The following ABHD18 variants were observed in gnomAD, a reference collection of about 807,000 sequenced individuals.
The protein encoded by ABHD18 is cardiolipin-specific deacylase, mitochondrial.
ABHD18 carries 55 observed loss-of-function variants against 65.9 expected under a neutral mutation model. The ratio of observed to expected loss-of-function variants is 0.84; its 90% CI spans 0.67 to 1.05. ABHD18 has a LOEUF of 1.05. Ranked by LOEUF, ABHD18 falls within the 50% of genes least tolerant of loss-of-function variation. ABHD18 has a pLI of 0.00. For missense variants in ABHD18, 533 were observed against 558.5 expected (o/e 0.95, Z 0.46); for synonymous variants, 181 against 180.2 (o/e 1.00, Z -0.04).
At chr4:128,023,291 C>T (rs1337072588) in intron 10 of ABHD18, among the ~76,000 whole-genome samples, 1 of 147,284 alleles carries the variant, frequency 6.8e-6, no homozygotes, top group Admixed American at 7.0e-5. Context: ...CGGGACCAGG[C>T]GTGGTGGCAC....
Position 127,992,099 on chromosome 4 carries a change from G to A in ABHD18, c.278+2278G>A, listed in dbSNP as rs964085032. 3.3e-5 allele frequency among the ~76,000 whole-genome samples: 5 copies of A among 152,264 alleles called. 1 individual carries two copies. The highest frequency in any genetic ancestry group is 7.2e-5 in the African/African-American group (3 of 41,550). On this transcript the variant is annotated intron_variant, in intron 4 of 12. Coordinates refer to ENST00000645843, the MANE Select transcript of ABHD18 (RefSeq NM_001358451.3). ...TAAGTCTACTCTTTATGGACCTAAT[G>A]TCAATTACTTAAACTCTGAACCAGG...
chr4:127,976,153 T>C (rs939826082), intron 1 of ABHD18, among the ~76,000 whole-genome samples: 5 of 152,206 alleles, frequency 3.3e-5, no homozygotes, highest in Admixed American at 6.6e-5. Context: ...GTTGTATCTT[T>C]ACATTTATAA....
At chr4:127,969,316 C>G (rs908514698) in intron 1 of ABHD18, among the ~76,000 whole-genome samples, 2 of 151,690 alleles carry the variant, frequency 1.3e-5, no homozygotes, top group African/African-American at 4.8e-5. Context: ...ATTCACCTGC[C>G]TCAACCTCCC....
intron 1 of ABHD18, among the ~76,000 whole-genome samples, chr4:127,970,514 G>A (rs562094607): frequency 5.8e-4 from 87 of 150,750 alleles, no homozygotes; most frequent in Non-Finnish European, 1.1e-3. Context: ...GCTTGAACCC[G>A]GGAGACGGAG....
intron 9 of ABHD18, 97 bp from the exon 10 acceptor site, chr4:128,021,034 CAAAAAA>C: frequency 9.0e-6 from 4 of 443,444 alleles, no homozygotes; most frequent in South Asian, 3.2e-5. Context: ...ACTTCGTCTG[CAAAAAA>C]AAAAAAAAAA....
intron 1 of ABHD18, among the ~76,000 whole-genome samples, chr4:127,974,600 T>C (rs1747527959): frequency 6.6e-6 from 1 of 151,968 alleles, no homozygotes; most frequent in Non-Finnish European, 1.5e-5. Flanking sequence ...CTTGAACTCC[T>C]GGGCTCAAGC....
At chr4:128,021,704 T>C (rs1441498130) in intron 10 of ABHD18, among the ~76,000 whole-genome samples, 1 of 152,150 alleles carries the variant, frequency 6.6e-6, no homozygotes, top group South Asian at 2.1e-4. Context: ...ATACAGAGAA[T>C]CATGCAAAGC....
intron 9 of ABHD18, among the ~76,000 whole-genome samples, chr4:128,020,386 G>C (rs906734569): frequency 1.1e-4 from 17 of 152,172 alleles, no homozygotes; most frequent in Non-Finnish European, 4.4e-5. Flanking sequence ...AGGAAACCAA[G>C]AACAAGCTTC....
chr4:128,034,328 TATG>T (rs1758629578), intron 12 of ABHD18, among the ~76,000 whole-genome samples: 2 of 152,176 alleles, frequency 1.3e-5, no homozygotes, highest in Admixed American at 6.6e-5. Flanking sequence ...GTGATGGGAT[TATG>T]ATGTTTTCCC....
At chr4:128,019,967 C>CT in intron 8 of ABHD18, 113 bp from the exon 9 acceptor site, 1 of 596,084 alleles carries the variant, frequency 1.7e-6, no homozygotes, top group Admixed American at 3.1e-5. Context: ...TGTTTGCAGA[C>CT]TTTGTGTTTA....
chr4:127,969,996 G>A (rs1045355657), intron 1 of ABHD18, among the ~76,000 whole-genome samples: 28 of 151,776 alleles, frequency 1.8e-4, no homozygotes, highest in Admixed American at 5.9e-4. Context: ...CAGTCCTCCC[G>A]TCTTGGCCTC....
intron 4 of ABHD18, among the ~76,000 whole-genome samples, chr4:127,999,194 G>A (rs572187669): frequency 6.6e-6 from 1 of 152,250 alleles, no homozygotes; most frequent in South Asian, 2.1e-4. Flanking sequence ...TGAGACAGGA[G>A]AATCACTTGA....
chr4:128,026,649 T>G (rs532002897), intron 10 of ABHD18, among the ~76,000 whole-genome samples: 1 of 152,298 alleles, frequency 6.6e-6, no homozygotes, highest in East Asian at 1.9e-4. Context: ...TTCTTTTGAC[T>G]TTGGTTTTAG....
At chr4:128,015,460 C>T (rs1030016453) in intron 7 of ABHD18, among the ~76,000 whole-genome samples, 53 of 151,960 alleles carry the variant, frequency 3.5e-4, no homozygotes, top group Admixed American at 2.9e-3. Context: ...TCAAGGCTCC[C>T]ATACAAGGCT....
chr4:128,023,250 G>A (rs1756803317), intron 10 of ABHD18, among the ~76,000 whole-genome samples: 1 of 151,772 alleles, frequency 6.6e-6, no homozygotes, highest in African/African-American at 2.4e-5. Flanking sequence ...TTGATTGCTT[G>A]CCTAAGAACT....
rs1749020775 is a variant in ABHD18 at position 127,981,394 on chromosome 4, CTTATT to C, written c.-17-1542_-17-1538del. 3.5e-5 allele frequency among the ~76,000 whole-genome samples: 5 copies of C among 144,480 alleles called. No individual in the cohort carries two copies. The South Asian group carries it at 1.1e-3, about 32-fold the overall frequency. 94.8% of individuals were successfully genotyped at this position (144,480 alleles called of 152,430 possible). A position where few individuals can be genotyped will look rare whatever the true frequency, so the allele number is the denominator to read the frequency against. ...ATTTTCATCATAGTGTTATTCTACT[CTTATT>C]TTGATAGTTAGATAGATTTTTTAAT... On this transcript the variant is annotated intron_variant, in intron 1 of 12. Coordinates refer to ENST00000645843, the MANE Select transcript of ABHD18 (RefSeq NM_001358451.3).
chr4:127,967,577 A>C (rs1376015448), intron 1 of ABHD18, among the ~76,000 whole-genome samples: 1 of 152,172 alleles, frequency 6.6e-6, no homozygotes, highest in Non-Finnish European at 1.5e-5. Context: ...CTGGTAGAGG[A>C]ATCCCAGCCC....
chr4:128,022,920 G>A (rs564186252), intron 10 of ABHD18, among the ~76,000 whole-genome samples: 5 of 151,996 alleles, frequency 3.3e-5, no homozygotes, highest in African/African-American at 9.6e-5. Flanking sequence ...ACAGGCACGC[G>A]CCACTATGCT....
intron 4 of ABHD18, among the ~76,000 whole-genome samples, chr4:127,992,546 T>A (rs1579237387): frequency 6.6e-6 from 1 of 152,210 alleles, no homozygotes; most frequent in Middle Eastern, 3.4e-3. Flanking sequence ...TTTATGTATT[T>A]ATTTATTTGT....
Sources: gnomAD v4.1 joint callset for allele counts (sites outside exome capture counted in the v4.1 genomes callset) on GRCh38, gnomAD v4.1.1 for gene constraint, MANE v1.5 for transcripts, NCBI Gene and HGNC (gene_info 2026-07-23, HGNC 2026-07-21) for gene names.